STT3A: variants seen among roughly 807,000 people sequenced by gnomAD.
STT3A encodes STT3 oligosaccharyltransferase complex catalytic subunit A, also known as dolichyl-diphosphooligosaccharide--protein glycosyltransferase subunit STT3A.
STT3A carries 34 observed loss-of-function variants against 89.2 expected under a neutral mutation model. The observed-to-expected ratio is 0.38, with a 90% CI of 0.29 to 0.51. The LOEUF is 0.51. Among genes scored for constraint, STT3A ranks in the 20% least tolerant of loss-of-function variants. The pLI is 0.89. For missense variants in STT3A, 555 were observed against 889.5 expected (o/e 0.62, Z 4.78); for synonymous variants, 282 against 310.3 (o/e 0.91, Z 0.96).
intron 17 of STT3A, 43 bp from the exon 18 acceptor site, chr11:125,620,728 GT>G: frequency 6.2e-7 from 1 of 1,601,900 alleles, no homozygotes; most frequent in Non-Finnish European, 8.5e-7. Flanking sequence ...TTTCTCCAAA[GT>G]TGATCTGATT....
At chr11:125,592,639 G>C (rs1001060698), upstream of STT3A, 16 of 385,752 alleles carry the variant, frequency 4.1e-5, no homozygotes, top group Middle Eastern at 9.0e-4. Flanking sequence ...ACTCCTACGC[G>C]CCGGCCTATG....
At position 125,608,378 on chromosome 11, in the gene STT3A, G is replaced by C; in HGVS notation, c.961+89G>C. ...TGCCCAGGCCGGAGTGCAGTGGTGC[G>C]ATCTCGGCTCACTGCAACCTCCACC... is the stretch of plus-strand genomic sequence containing the variant. On this transcript the variant is annotated intron_variant, in intron 9 of 17. Coordinates refer to ENST00000392708, the MANE Select transcript of STT3A (RefSeq NM_152713.5). 3.0e-6 allele frequency: 4 copies of C among 1,339,112 alleles called. No homozygotes were observed. In the Admixed American group the frequency reaches 8.0e-5, roughly 27 times the overall value. 83.0% of individuals were successfully genotyped at this position (1,339,112 alleles called of 1,614,324 possible).
Position 125,620,898 on chromosome 11 carries a change from CAGT to C in STT3A, c.*89_*91del. 8.9e-7 allele frequency: 1 copy of C among 1,118,458 alleles called. No individual in the cohort carries two copies. The highest frequency in any genetic ancestry group is 1.3e-6 in the Non-Finnish European group (1 of 799,938). The allele number at this position is 1,118,458 out of a possible 1,614,324, so 69.3% of individuals were successfully genotyped here. On this transcript the variant is annotated 3_prime_UTR_variant, in exon 18 of 18. Transcript: ENST00000392708. ...TTTTTTTTTTTTTTTTTTTAATATG[CAGT>C]TTGTAAGAACAAAACTGGATGGCAT... is the stretch of plus-strand genomic sequence containing the variant.
At chr11:125,602,983 G>A (rs1343610324) in intron 5 of STT3A, 35 bp downstream of exon 5, 1 of 1,612,088 alleles carries the variant, frequency 6.2e-7, no homozygotes, top group African/African-American at 1.3e-5. Flanking sequence ...GCTTGGGAAT[G>A]AATGTTATTG....
chr11:125,596,064 A>T (rs1939486355), intron 2 of STT3A, 61 bp downstream of exon 2: 1 of 1,307,722 alleles, frequency 7.6e-7, no homozygotes, highest in South Asian at 1.3e-5. Flanking sequence ...CTAGAAAAAA[A>T]TTGAAAATCG....
At position 125,606,130 on chromosome 11, in the gene STT3A, C is replaced by G. The variant is rs949240583; in HGVS notation, c.616-171C>G. The G allele has an allele frequency of 8.4e-6, 5 of 597,642 alleles. No individual in the cohort carries two copies. In the African/African-American group the frequency reaches 9.8e-5, roughly 12 times the overall value. The allele number at this position is 597,642 out of a possible 1,614,324, so 37.0% of individuals were successfully genotyped here. A position where few individuals can be genotyped will look rare whatever the true frequency, so the allele number is the denominator to read the frequency against. On this transcript the variant is annotated intron_variant, in intron 7 of 17. Coordinates refer to ENST00000392708, the MANE Select transcript of STT3A (RefSeq NM_152713.5). ...CCTGTACATGTAAGGACTTGATTTT[C>G]CTGTTTAAAAAAAAAAATCAGTTAT...
upstream of STT3A, chr11:125,592,502 T>G: frequency 2.2e-6 from 1 of 455,652 alleles, no homozygotes; most frequent in Non-Finnish European, 4.4e-6. Context: ...AGTTTCCGCT[T>G]CTTGTCACAT....
intron 8 of STT3A, among the ~76,000 whole-genome samples, chr11:125,606,718 T>G (rs1939851541): frequency 6.6e-6 from 1 of 152,128 alleles, no homozygotes; most frequent in South Asian, 2.1e-4. Flanking sequence ...AGGGGAGGGA[T>G]ATTTAGTTGA....
rs773318683 is a variant in STT3A at position 125,602,374 on chromosome 11, A to C, written c.221A>C (p.Asp74Ala). The change falls in exon 4 of 18, where the codon GAC (aspartate) becomes GCC (alanine). Residue 74 changes from aspartate to alanine, a missense_variant. Physicochemically the swap from Asp to Ala is moderately radical, Grantham distance 126. This residue lies in a region of STT3A where 129 missense variants were observed against 193.2 expected (regional missense o/e 0.67). Coordinates refer to ENST00000392708, the MANE Select transcript of STT3A (RefSeq NM_152713.5). The stretch of plus-strand genomic sequence containing the variant: ...TATAAATTCCATAACTGGTTTGATG[A>C]CCGAGCCTGGTACCCTTTGGGACGA... ...GFYKFHNWFDDRAWYPLGRII... is the reference protein window; with the variant it reads ...GFYKFHNWFDARAWYPLGRII... 9.3e-6 allele frequency: 15 copies of C among 1,613,834 alleles called. No individual in the cohort carries two copies. Among genetic ancestry groups the C allele is most frequent in the Non-Finnish European group, 1.1e-5 (13 of 1,179,910 alleles).
In STT3A at chr11:125,612,632, T is replaced by G; in HGVS notation, c.1250T>G (p.Leu417Arg). The G allele has an allele frequency of 6.2e-7, 1 of 1,614,228 alleles. No individual in the cohort carries two copies. Among genetic ancestry groups the G allele is most frequent in the Non-Finnish European group, 8.5e-7 (1 of 1,180,048 alleles). Residue 417 changes from leucine to arginine, a missense_variant, in exon 12 of 18, where the codon CTC (leucine) becomes CGC (arginine). By Grantham distance (102) the Leu-to-Arg change is moderately radical. This residue lies in a region of STT3A where 273 missense variants were observed against 449.8 expected (regional missense o/e 0.61). Coordinates refer to ENST00000392708, the MANE Select transcript of STT3A (RefSeq NM_152713.5). The part of the protein sequence containing the change: ...MLVLAPVMCI[L>R]SGIGVSQVLS... ...GTGTTGGCACCTGTTATGTGCATTCTCTCTGGCATTGGAGTCTCCCAGGTG... is the reference window on the plus strand; with the variant it reads ...GTGTTGGCACCTGTTATGTGCATTCGCTCTGGCATTGGAGTCTCCCAGGTG...
chr11:125,602,071 A>G (rs1939699853), intron 3 of STT3A, among the ~76,000 whole-genome samples: 1 of 152,200 alleles, frequency 6.6e-6, no homozygotes, highest in Non-Finnish European at 1.5e-5. Flanking sequence ...TGCTGAGATT[A>G]TAGGCATGAG....
At chr11:125,601,083 G>T (rs977688472) in intron 3 of STT3A, among the ~76,000 whole-genome samples, 1 of 152,178 alleles carries the variant, frequency 6.6e-6, no homozygotes, top group South Asian at 2.1e-4. Context: ...TGCCATGCCT[G>T]GCTGTAATCT....
chr11:125,595,890 G>T lies in STT3A; in HGVS notation c.-26G>T, dbSNP rs760218961. On this transcript the variant is annotated 5_prime_UTR_variant, in exon 2 of 18. Coordinates refer to ENST00000392708, the MANE Select transcript of STT3A (RefSeq NM_152713.5). ...GACTTTTTCATTTTAGCTGATCGTC[G>T]TGTGTTGCCACCCATTCATGTCAAG... 3 of 1,505,436 alleles carry T rather than the reference G, an allele frequency of 2.0e-6. No homozygotes were observed. Among genetic ancestry groups the T allele is most frequent in the South Asian group, 1.1e-5 (1 of 87,610 alleles). The allele number at this position is 1,505,436 out of a possible 1,614,324, so 93.3% of individuals were successfully genotyped here.
At chr11:125,611,887 T>A (rs1310631211) in intron 11 of STT3A, among the ~76,000 whole-genome samples, 3 of 130,452 alleles carry the variant, frequency 2.3e-5, no homozygotes, top group Non-Finnish European at 4.9e-5. Flanking sequence ...TTTTTTTTTT[T>A]TTTTTTTGAG....
At chr11:125,617,241 A>C (rs1045850197) in intron 15 of STT3A, among the ~76,000 whole-genome samples, 2 of 152,224 alleles carry the variant, frequency 1.3e-5, no homozygotes, top group South Asian at 2.1e-4. Context: ...CAAACAACTT[A>C]CTAAATGCTT....
chr11:125,598,400 G>A (rs1312034576), intron 3 of STT3A, among the ~76,000 whole-genome samples: 1 of 152,150 alleles, frequency 6.6e-6, no homozygotes, highest in Non-Finnish European at 1.5e-5. Flanking sequence ...AAAATCATAG[G>A]TTCTTGAAAT....
intron 6 of STT3A, among the ~76,000 whole-genome samples, chr11:125,605,363 G>T (rs561902432): frequency 3.1e-4 from 47 of 152,112 alleles, no homozygotes; most frequent in African/African-American, 1.1e-3. Context: ...TGATAATAAT[G>T]GCCAATATTT....
chr11:125,619,508 G>A (rs1182963565), intron 16 of STT3A, among the ~76,000 whole-genome samples: 2 of 152,164 alleles, frequency 1.3e-5, no homozygotes, highest in African/African-American at 4.8e-5. Context: ...GTCCTTAAGG[G>A]TATTACAGTG....
In STT3A at chr11:125,613,519, T is replaced by C. The variant is rs1308581909; in HGVS notation, c.1554+342T>C. On this transcript the variant is annotated intron_variant, in intron 13 of 17. Transcript: ENST00000392708. The surrounding 1 kb of genome is among the most constrained non-coding windows in gnomAD (Gnocchi z 4.2). ...CAGAAAATTGAATCAAGAAGAAAGA[T>C]ATAAATCTTGTGTAAAGTGATCACC... is the stretch of plus-strand genomic sequence containing the variant. Among the ~76,000 whole-genome samples the C allele has an allele frequency of 6.6e-6, 1 of 152,224 alleles. No individual in the cohort carries two copies. Among genetic ancestry groups the C allele is most frequent in the East Asian group, 1.9e-4 (1 of 5,202 alleles).
Sources: allele counts gnomAD v4.1 joint callset (sites outside exome capture counted in the v4.1 genomes callset), GRCh38; gene constraint gnomAD v4.1.1; regional missense constraint gnomAD v4.1.1; non-coding constraint Gnocchi (gnomAD v3.1); transcripts MANE v1.5; gene names NCBI Gene and HGNC (gene_info 2026-07-23, HGNC 2026-07-21).